NALCN: variants seen among roughly 807,000 people sequenced by gnomAD.
NALCN encodes the protein sodium leak channel NALCN.
A neutral mutation model predicts 225.3 loss-of-function variants in NALCN; 111 were observed. That is an observed-to-expected ratio of 0.49 (90% CI 0.42 to 0.58). The LOEUF (loss-of-function observed/expected upper bound fraction) is 0.58. Ranked by LOEUF, NALCN falls within the 20% of genes least tolerant of loss-of-function variation. The pLI is 0.00. For synonymous variants in NALCN, 764 were observed against 769.0 expected, an observed-to-expected ratio of 0.99 and a Z score of 0.11; for missense variants, 1,378 against 2,202.4, an observed-to-expected ratio of 0.63 and a Z score of 7.49.
At chr13:101,115,393 T>A (rs2035658012) in intron 18 of NALCN, among the ~76,000 whole-genome samples, 1 of 152,192 alleles carries the variant, frequency 6.6e-6, no homozygotes, top group Non-Finnish European at 1.5e-5. Context: ...TTAGTTCAAT[T>A]TCTTTAACTG....
chr13:101,368,407 T>G (rs2046441909), intron 6 of NALCN: 1 of 152,096 alleles, frequency 6.6e-6, no homozygotes, highest in South Asian at 2.1e-4. Flanking sequence ...CTATCATTGT[T>G]GGACATTTGG....
chr13:101,130,725 G>A (rs1331749306), intron 17 of NALCN, among the ~76,000 whole-genome samples: 5 of 152,198 alleles, frequency 3.3e-5, no homozygotes, highest in South Asian at 2.1e-4. Context: ...ATAATCTAAC[G>A]TTCTTTCCTT....
Position 101,179,388 on chromosome 13 carries a change from AT to A in NALCN, c.1765-3015del, listed in dbSNP as rs142233105. On this transcript the variant is annotated intron_variant, in intron 14 of 43. Coordinates refer to ENST00000251127, the MANE Select transcript of NALCN (RefSeq NM_052867.4). ...ATACAATGTCTGAAAATATACAGACATAAAATTAGTTATGCAAAGCTAAAAT... is the reference window on the plus strand; with the variant it reads ...ATACAATGTCTGAAAATATACAGACAAAAATTAGTTATGCAAAGCTAAAAT... 1.5e-3 allele frequency among the ~76,000 whole-genome samples: 233 copies of A among 152,344 alleles called. 1 individual carries two copies. The highest frequency in any genetic ancestry group is 5.7e-3 in the Admixed American group (87 of 15,310).
At chr13:101,136,601 A>T (rs2036809487) in intron 17 of NALCN, among the ~76,000 whole-genome samples, 1 of 152,138 alleles carries the variant, frequency 6.6e-6, no homozygotes, top group Non-Finnish European at 1.5e-5. Context: ...GATGGTTTCC[A>T]GCTTCATCCA....
chr13:101,279,830 AT>A (rs1566524205), intron 10 of NALCN, among the ~76,000 whole-genome samples: 17 of 69,668 alleles, frequency 2.4e-4, no homozygotes, highest in South Asian at 6.1e-4. Context: ...AAATAAATAA[AT>A]AAATAAAATA....
At chr13:101,303,776 A>G (rs1427037972) in intron 7 of NALCN, among the ~76,000 whole-genome samples, 1 of 152,128 alleles carries the variant, frequency 6.6e-6, no homozygotes, top group East Asian at 1.9e-4. Flanking sequence ...ACCAGGCCAG[A>G]GCTCATTTGG....
chr13:101,194,006 C>T (rs1251193092), intron 13 of NALCN, among the ~76,000 whole-genome samples: 2 of 152,118 alleles, frequency 1.3e-5, no homozygotes, highest in Non-Finnish European at 2.9e-5. Context: ...CCAAAAGTAG[C>T]AGGACAACTC....
chr13:101,414,417 C>T (rs781409341), intron 1 of NALCN, among the ~76,000 whole-genome samples: 17 of 152,110 alleles, frequency 1.1e-4, no homozygotes, highest in Non-Finnish European at 1.6e-4. Flanking sequence ...AACTTGAAAT[C>T]CACATGTGAC....
In NALCN at chr13:101,292,469, T is replaced by C; in HGVS notation, c.800-103A>G. The C allele has an allele frequency of 8.3e-7, 1 of 1,211,114 alleles. No individual in the cohort carries two copies. Among genetic ancestry groups the C allele is most frequent in the Non-Finnish European group, 1.1e-6 (1 of 888,720 alleles). The allele number at this position is 1,211,114 out of a possible 1,614,324, so 75.0% of individuals were successfully genotyped here. A position where few individuals can be genotyped will look rare whatever the true frequency, so the allele number is the denominator to read the frequency against. On this transcript the variant is annotated intron_variant, in intron 7 of 43. Transcript: ENST00000251127. This position sits in a 1 kb window ranked among gnomAD's most constrained non-coding sequence, Gnocchi z 4.3. ...TATTTATCCATACTTATTTTCTCAA[T>C]GACAAAAGTGCTTCAAAAATTGATT...
chr13:101,227,493 C>G (rs991273586), intron 13 of NALCN, among the ~76,000 whole-genome samples: 1 of 152,168 alleles, frequency 6.6e-6, no homozygotes, highest in Non-Finnish European at 1.5e-5. Context: ...GGAACACTGG[C>G]TATACACAGG....
Position 101,393,606 on chromosome 13 carries a change from C to T in NALCN, c.291+1577G>A, listed in dbSNP as rs1167116314. The stretch of plus-strand genomic sequence containing the variant: ...CCGAGGCGGGCAGATCACCTGAGGT[C>T]GGGAGTTCAAGACCAACATGGAGAA... On this transcript the variant is annotated intron_variant, in intron 3 of 43. Coordinates refer to ENST00000251127, the MANE Select transcript of NALCN (RefSeq NM_052867.4). 3.3e-5 allele frequency among the ~76,000 whole-genome samples: 5 copies of T among 152,092 alleles called. No homozygotes were observed. In the South Asian group the frequency reaches 6.2e-4, roughly 19 times the overall value.
At chr13:101,214,486 TTTC>T (rs142329091) in intron 13 of NALCN, among the ~76,000 whole-genome samples, 5,903 of 152,094 alleles carry the variant, frequency 0.039, 366 homozygotes, top group African/African-American at 0.14. Context: ...TGGAGTACTG[TTTC>T]TTCTTCTCAA....
chr13:101,341,724 G>A (rs1049868095), intron 7 of NALCN, among the ~76,000 whole-genome samples: 5 of 152,128 alleles, frequency 3.3e-5, no homozygotes, highest in African/African-American at 1.2e-4. Context: ...TCACTTTGGG[G>A]AGGAACAGGG....
chr13:101,360,136 CTT>C (rs1488444483), intron 6 of NALCN, among the ~76,000 whole-genome samples: 10 of 135,484 alleles, frequency 7.4e-5, no homozygotes, highest in African/African-American at 2.0e-4. Flanking sequence ...TTTTTTCTTT[CTT>C]TCTCTCTTTT....
At chr13:101,138,298 G>A (rs1330135884) in intron 17 of NALCN, among the ~76,000 whole-genome samples, 1 of 152,184 alleles carries the variant, frequency 6.6e-6, no homozygotes, top group Non-Finnish European at 1.5e-5. Flanking sequence ...ATGTTAATGA[G>A]TTATAAAATA....
At chr13:101,332,397 C>CAAAA (rs753158247) in intron 7 of NALCN, among the ~76,000 whole-genome samples, 2,046 of 57,622 alleles carry the variant, frequency 0.036, 40 homozygotes, top group Middle Eastern at 0.059. Context: ...TTCACAAAGC[C>CAAAA]AAAAAAAAAA....
chr13:101,131,201 T>C (rs1803296982), intron 17 of NALCN, among the ~76,000 whole-genome samples: 1 of 152,164 alleles, frequency 6.6e-6, no homozygotes, highest in African/African-American at 2.4e-5. Flanking sequence ...TGCTATTTCA[T>C]CCTTATGTAA....
At chr13:101,193,203 C>A (rs78091018) in intron 13 of NALCN, among the ~76,000 whole-genome samples, 9 of 151,428 alleles carry the variant, frequency 5.9e-5, no homozygotes, top group African/African-American at 2.2e-4. Flanking sequence ...AGAAGTAGCA[C>A]CCAGGCATTA....
chr13:101,093,992 T>C (rs112657437), intron 28 of NALCN, among the ~76,000 whole-genome samples: 28 of 152,316 alleles, frequency 1.8e-4, no homozygotes, highest in African/African-American at 6.7e-4. Context: ...GTGCATCTGA[T>C]ACAATTGGAT....
Sources: allele counts gnomAD v4.1 joint callset (sites outside exome capture counted in the v4.1 genomes callset), GRCh38; gene constraint gnomAD v4.1.1; non-coding constraint Gnocchi (gnomAD v3.1); transcripts MANE v1.5; gene names NCBI Gene and HGNC (gene_info 2026-07-23, HGNC 2026-07-21).